The following TENM2 variants were observed in gnomAD, a reference collection of about 807,000 sequenced individuals.
TENM2 encodes teneurin transmembrane protein 2.
Under a neutral mutation model 245.2 loss-of-function variants are expected in TENM2, and 52 were observed. The observed-to-expected ratio is 0.21, with a 90% confidence interval of 0.17 to 0.27. TENM2 has a LOEUF of 0.27. Ranked by LOEUF, TENM2 falls within the 10% of genes least tolerant of loss-of-function variation. The pLI, the probability that TENM2 is intolerant of heterozygous loss-of-function variation, is 1.00. For missense variants in TENM2, 3,046 were observed against 3,666.8 expected, an observed-to-expected ratio of 0.83 and a Z score of 4.37; for synonymous variants, 1,363 against 1,438.9, an observed-to-expected ratio of 0.95 and a Z score of 1.19.
chr5:167,322,653 C>G (rs770838013), intron 1 of TENM2, among the ~76,000 whole-genome samples: 14 of 152,090 alleles, frequency 9.2e-5, no homozygotes, highest in Non-Finnish European at 1.5e-4. Context: ...ATAAACATCA[C>G]TGTCCAAAAG....
At chr5:167,136,712 C>A in the TENM2 span, among the ~76,000 whole-genome samples, 3 of 152,150 alleles carry the variant, frequency 2.0e-5, no homozygotes, top group Non-Finnish European at 4.4e-5. Flanking sequence ...TTAGAGAGTT[C>A]TTCTTCCATC....
the TENM2 span, among the ~76,000 whole-genome samples, chr5:166,995,569 G>A: frequency 6.6e-6 from 1 of 151,986 alleles, no homozygotes; most frequent in African/African-American, 2.4e-5. Context: ...ACCATAAATG[G>A]TTGAATGAGT....
At position 168,257,735 on chromosome 5, in the gene TENM2, C is replaced by A. The variant is rs55938534; in HGVS notation, c.7433-2548C>A. 5.1e-3 allele frequency among the ~76,000 whole-genome samples: 770 copies of A among 152,072 alleles called. 4 individuals carry two copies. Among genetic ancestry groups the A allele is most frequent in the African/African-American group, 0.018 (737 of 41,474 alleles). ...GGTTCAAGCGATTCTCCTGCCTCAGCCTCCCAGGTAGCTGGGATTACAGGC... is the reference window on the plus strand; with the variant it reads ...GGTTCAAGCGATTCTCCTGCCTCAGACTCCCAGGTAGCTGGGATTACAGGC... On this transcript the variant is annotated intron_variant, in intron 27 of 28. Coordinates refer to ENST00000518659, the Ensembl canonical transcript of TENM2.
At chr5:167,878,395 A>G (rs1184197933) in intron 3 of TENM2, among the ~76,000 whole-genome samples, 1 of 152,146 alleles carries the variant, frequency 6.6e-6, no homozygotes, top group Non-Finnish European at 1.5e-5. Flanking sequence ...AGCTGTGCTG[A>G]TATGATTTCT....
chr5:167,936,017 T>C (rs1214875996), intron 3 of TENM2, among the ~76,000 whole-genome samples: 1 of 152,200 alleles, frequency 6.6e-6, no homozygotes, highest in African/African-American at 2.4e-5. Flanking sequence ...CACTTTGCAC[T>C]TTTTGTTCCC....
chr5:167,393,559 T>C (rs769497659), intron 2 of TENM2, among the ~76,000 whole-genome samples: 8 of 152,078 alleles, frequency 5.3e-5, no homozygotes, highest in Non-Finnish European at 5.9e-5. Flanking sequence ...AGAATGCAAA[T>C]TGGGCAGAAT....
intron 23 of TENM2, among the ~76,000 whole-genome samples, chr5:168,224,705 C>A (rs1763999479): frequency 6.6e-6 from 1 of 152,180 alleles, no homozygotes. Context: ...TTTTCCCTCT[C>A]CCCAGTCCAA....
At chr5:167,134,293 A>G in the TENM2 span, among the ~76,000 whole-genome samples, 1 of 152,222 alleles carries the variant, frequency 6.6e-6, no homozygotes, top group Non-Finnish European at 1.5e-5. Flanking sequence ...TAGTAGCCGC[A>G]TATTGGACAG....
chr5:167,504,314 A>G (rs1395499714), intron 2 of TENM2, among the ~76,000 whole-genome samples: 1 of 152,204 alleles, frequency 6.6e-6, no homozygotes, highest in Non-Finnish European at 1.5e-5. Context: ...AATTAATCTT[A>G]TTTAAATTGC....
chr5:167,344,808 C>T (rs1758360004), intron 1 of TENM2, among the ~76,000 whole-genome samples: 1 of 152,076 alleles, frequency 6.6e-6, no homozygotes, highest in African/African-American at 2.4e-5. Flanking sequence ...TTTCTTGGAA[C>T]AGCCTTCCTT....
intron 15 of TENM2, 97 bp downstream of exon 17, chr5:168,195,392 GTGGAC>G (rs1761322835): frequency 1.4e-6 from 2 of 1,439,472 alleles, no homozygotes; most frequent in Non-Finnish European, 1.9e-6. Flanking sequence ...ATTCCCCCTG[GTGGAC>G]TGGAATGTCC....
intron 3 of TENM2, among the ~76,000 whole-genome samples, chr5:167,890,580 C>T (rs1459942545): frequency 6.6e-6 from 1 of 152,112 alleles, no homozygotes; most frequent in African/African-American, 2.4e-5. Flanking sequence ...CATAAACATT[C>T]ATAATTCTAT....
At chr5:168,261,023 A>G (rs1236295132) in intron 28 of TENM2, among the ~76,000 whole-genome samples, 1 of 152,212 alleles carries the variant, frequency 6.6e-6, no homozygotes, top group Non-Finnish European at 1.5e-5. Context: ...GAAAGGTCTC[A>G]GCTGCTCTGA....
At chr5:167,119,791 G>T in the TENM2 span, among the ~76,000 whole-genome samples, 1 of 152,210 alleles carries the variant, frequency 6.6e-6, no homozygotes, top group Non-Finnish European at 1.5e-5. Context: ...TGTGCTGGTC[G>T]TGGAGGAGGC....
At chr5:167,381,726 A>G (rs1266812811) in intron 2 of TENM2, among the ~76,000 whole-genome samples, 2 of 152,234 alleles carry the variant, frequency 1.3e-5, no homozygotes, top group South Asian at 2.1e-4. Flanking sequence ...TGAGTTATCA[A>G]CCCTGACCTA....
rs149819995 is a variant in TENM2 at position 167,593,558 on chromosome 5, G to A, written c.502+218085G>A. On this transcript the variant is annotated intron_variant, in intron 2 of 28. Coordinates refer to ENST00000518659, the Ensembl canonical transcript of TENM2. The stretch of plus-strand genomic sequence containing the variant: ...TTAGCCACCAGCTTAGCCCAAGACC[G>A]CAGAATCTGTGTCCATTGCTCTAGG... Among the ~76,000 whole-genome samples, 95 of 152,320 alleles carry A rather than the reference G, an allele frequency of 6.2e-4. 1 individual carries two copies. Among genetic ancestry groups the A allele is most frequent in the African/African-American group, 1.9e-3 (81 of 41,578 alleles).
intron 3 of TENM2, among the ~76,000 whole-genome samples, chr5:167,893,489 G>T (rs1353377640): frequency 6.6e-6 from 1 of 152,128 alleles, no homozygotes; most frequent in Non-Finnish European, 1.5e-5. Context: ...CTTTAACTCT[G>T]TGAGTTTCTG....
the TENM2 span, among the ~76,000 whole-genome samples, chr5:166,991,011 G>GA: frequency 6.6e-6 from 1 of 151,568 alleles, no homozygotes; most frequent in Admixed American, 6.6e-5. Flanking sequence ...AAGCAAAAGA[G>GA]AAAAAAAGGA....
chr5:167,517,021 C>A (rs996144174), intron 2 of TENM2, among the ~76,000 whole-genome samples: 1 of 152,178 alleles, frequency 6.6e-6, no homozygotes, highest in African/African-American at 2.4e-5. Context: ...TGAATTTTAA[C>A]CAACTTTTAA....
Sources: gnomAD v4.1 joint callset for allele counts (sites outside exome capture counted in the v4.1 genomes callset) on GRCh38, gnomAD v4.1.1 for gene constraint, MANE v1.5 for transcripts, NCBI Gene and HGNC (gene_info 2026-07-23, HGNC 2026-07-21) for gene names.